Variants in STPG2 observed in about 807,000 individuals in gnomAD.
The protein encoded by STPG2 is sperm-tail PG-rich repeat-containing protein 2.
In STPG2, 56 loss-of-function variants were observed where a neutral mutation model predicts 54.2. That is an observed-to-expected ratio of 1.03 (90% CI 0.83 to 1.29). The LOEUF is 1.29. Ranked by LOEUF, STPG2 falls within the 50% of genes most tolerant of loss-of-function variation. The probability of loss-of-function intolerance (pLI) is 0.00; values close to 1 mark genes in which losing one functional copy is unlikely to be tolerated. For synonymous variants in STPG2, 200 were observed against 181.8 expected (o/e 1.10, Z -0.81); for missense variants, 596 against 544.9 (o/e 1.09, Z -0.93).
intron 4 of STPG2, among the ~76,000 whole-genome samples, chr4:97,486,602 G>A (rs1343169331): frequency 6.6e-6 from 1 of 151,690 alleles, no homozygotes; most frequent in Non-Finnish European, 1.5e-5. Flanking sequence ...ATGGAAAACA[G>A]TGTGGAGATT....
At chr4:97,499,452 T>C (rs1730679002) in intron 4 of STPG2, among the ~76,000 whole-genome samples, 1 of 151,926 alleles carries the variant, frequency 6.6e-6, no homozygotes, top group African/African-American at 2.4e-5. Flanking sequence ...CAGACAAAAA[T>C]CTCTAGTTTT....
At chr4:98,123,600 C>T (rs1578181828) in intron 3 of STPG2, among the ~76,000 whole-genome samples, 9 of 152,112 alleles carry the variant, frequency 5.9e-5, no homozygotes, top group African/African-American at 2.4e-5. Context: ...GAGTGTTTTG[C>T]TTCCAATTAT....
chr4:97,653,024 A>G (rs983024684), intron 10 of STPG2, among the ~76,000 whole-genome samples: 1 of 152,018 alleles, frequency 6.6e-6, no homozygotes, highest in Non-Finnish European at 1.5e-5. Context: ...TATGTAAACA[A>G]AAGTAGAGAC....
intron 10 of STPG2, among the ~76,000 whole-genome samples, chr4:97,617,575 A>C (rs1733907725): frequency 6.6e-6 from 1 of 152,186 alleles, no homozygotes; most frequent in Admixed American, 6.6e-5. Context: ...GGTTAAGCAG[A>C]GACAACTCCC....
rs947140658 is a variant in STPG2, at chr4:97,731,713, C to T, written c.1205-18899G>A. Among the ~76,000 whole-genome samples the T allele has an allele frequency of 5.3e-5, 8 of 152,180 alleles. No homozygotes were observed. The East Asian group carries it at 5.8e-4, about 11-fold the overall frequency. On this transcript the variant is annotated intron_variant, in intron 9 of 10. Transcript: ENST00000295268. ...TAGACTGCTCTTGAGAAGAGGGGCA[C>T]GTCCAGCTCCCACACCAGTCCATGA...
At chr4:97,965,156 T>C (rs1463500818) in intron 7 of STPG2, among the ~76,000 whole-genome samples, 2 of 152,174 alleles carry the variant, frequency 1.3e-5, no homozygotes, top group East Asian at 1.9e-4. Context: ...GCTTTTCCCA[T>C]AGTCTTAGCA....
At chr4:97,698,792 A>G (rs1295396613) in intron 10 of STPG2, among the ~76,000 whole-genome samples, 2 of 152,192 alleles carry the variant, frequency 1.3e-5, no homozygotes, top group East Asian at 3.9e-4. Flanking sequence ...TCAAAAGGCC[A>G]TTCCACTATT....
chr4:97,734,417 C>A (rs1486930190), intron 9 of STPG2, among the ~76,000 whole-genome samples: 1 of 152,156 alleles, frequency 6.6e-6, no homozygotes, highest in Non-Finnish European at 1.5e-5. Context: ...TCTCCCTCCT[C>A]CCAACCTCCA....
chr4:97,850,738 T>C (rs1487176812), intron 8 of STPG2, among the ~76,000 whole-genome samples: 1 of 152,188 alleles, frequency 6.6e-6, no homozygotes, highest in East Asian at 1.9e-4. Flanking sequence ...CTATTTTCTT[T>C]GCATTGGTTA....
rs529473312 is a variant in STPG2 at position 97,710,658 on chromosome 4, A to G, written c.1320+2041T>C. On this transcript the variant is annotated intron_variant, in intron 10 of 10. Transcript: ENST00000295268. ...TCTCAAGAGTCACCAACTTAAACTT[A>G]TTAAAGTCATGAGAGACTGTCAAAT... Among the ~76,000 whole-genome samples the G allele has an allele frequency of 1.6e-4, 24 of 152,218 alleles. No homozygotes were observed. The South Asian group carries it at 5.0e-3, about 32-fold the overall frequency.
At chr4:97,454,374 G>A (rs922111790) in intron 4 of STPG2, among the ~76,000 whole-genome samples, 18 of 149,832 alleles carry the variant, frequency 1.2e-4, no homozygotes, top group African/African-American at 2.4e-4. Context: ...TTAGCCGGGC[G>A]CGGTGGCGGG....
At chr4:97,759,815 G>A (rs1269873733) in intron 9 of STPG2, among the ~76,000 whole-genome samples, 3 of 152,146 alleles carry the variant, frequency 2.0e-5, no homozygotes, top group African/African-American at 7.2e-5. Flanking sequence ...AAGCCAGAGA[G>A]TTTTAGAGAT....
intron 4 of STPG2, among the ~76,000 whole-genome samples, chr4:97,505,123 C>G (rs1730817069): frequency 6.6e-6 from 1 of 151,582 alleles, no homozygotes; most frequent in Non-Finnish European, 1.5e-5. Context: ...ACTCAAATAC[C>G]AATCCAACTT....
At chr4:97,866,696 C>T (rs776085554) in intron 8 of STPG2, among the ~76,000 whole-genome samples, 1 of 151,788 alleles carries the variant, frequency 6.6e-6, no homozygotes, top group Non-Finnish European at 1.5e-5. Flanking sequence ...CTGCTCTGTC[C>T]TGCTGTATTT....
intron 4 of STPG2, among the ~76,000 whole-genome samples, chr4:97,528,883 C>T (rs1346241538): frequency 6.6e-6 from 1 of 152,104 alleles, no homozygotes; most frequent in African/African-American, 2.4e-5. Flanking sequence ...AGATTTGGGG[C>T]TGAGATGATG....
rs1284720069 is a variant in STPG2 at position 97,562,281 on chromosome 4, A to G, written c.1321-3164T>C. Among the ~76,000 whole-genome samples the G allele has an allele frequency of 2.0e-5, 3 of 152,314 alleles. No homozygotes were observed. In the East Asian group the frequency reaches 5.8e-4, roughly 29 times the overall value. ...GTATAAGAATGCCTGTGATTTTTGC[A>G]CATTGATTTTGTATCCTGAGACTTT... On this transcript the variant is annotated intron_variant, in intron 10 of 10. Transcript: ENST00000295268.
At chr4:97,544,366 T>G (rs1328400700) in intron 4 of STPG2, among the ~76,000 whole-genome samples, 1 of 151,956 alleles carries the variant, frequency 6.6e-6, no homozygotes, top group Non-Finnish European at 1.5e-5. Flanking sequence ...TTAAAAGAAA[T>G]TTAGGATAAA....
intron 8 of STPG2, among the ~76,000 whole-genome samples, chr4:97,880,724 A>T (rs1730338668): frequency 6.6e-6 from 1 of 152,072 alleles, no homozygotes; most frequent in South Asian, 2.1e-4. Flanking sequence ...TTTCCTGAGC[A>T]TTTTTGCATT....
chr4:97,473,071 T>A (rs1450230535), intron 4 of STPG2, among the ~76,000 whole-genome samples: 1 of 152,186 alleles, frequency 6.6e-6, no homozygotes, highest in African/African-American at 2.4e-5. Context: ...AATCCTGTCA[T>A]CTCGTAAGCT....
Sources: allele counts gnomAD v4.1 joint callset (sites outside exome capture counted in the v4.1 genomes callset), GRCh38; gene constraint gnomAD v4.1.1; transcripts MANE v1.5; gene names NCBI Gene and HGNC (gene_info 2026-07-23, HGNC 2026-07-21).